Variants in PDE3A observed in about 807,000 individuals in gnomAD.
PDE3A encodes cGMP-inhibited 3',5'-cyclic phosphodiesterase 3A.
PDE3A carries 43 observed loss-of-function variants against 98.3 expected under a neutral mutation model. The observed-to-expected ratio is 0.44, with a 90% CI of 0.34 to 0.56. PDE3A has a LOEUF of 0.56. PDE3A is among the 20% of genes least tolerant of loss of function. The pLI is 0.01. For missense variants in PDE3A, 1,427 were observed against 1,440.7 expected, an observed-to-expected ratio of 0.99 and a Z score of 0.15; for synonymous variants, 663 against 567.9, an observed-to-expected ratio of 1.17 and a Z score of -2.38.
rs113763029 is a variant in PDE3A at position 20,539,096 on chromosome 12, A to G, written c.961-17564A>G. On this transcript the variant is annotated intron_variant, in intron 1 of 15. Transcript: ENST00000359062. ...TGAAACTTACTTTCTAAAATGGAAG[A>G]TAGACAAAAGCAAGTACCGGTTGAG... Among the ~76,000 whole-genome samples, 1,153 of 152,290 alleles carry G rather than the reference A, an allele frequency of 7.6e-3. 23 individuals carry two copies. The highest frequency in any genetic ancestry group is 0.027 in the African/African-American group (1,114 of 41,572).
intron 10 of PDE3A, among the ~76,000 whole-genome samples, chr12:20,641,890 A>C (rs1381632922): frequency 6.6e-6 from 1 of 152,098 alleles, no homozygotes; most frequent in Non-Finnish European, 1.5e-5. Context: ...AAGGGAATTT[A>C]TTTACATCTT....
intron 1 of PDE3A, among the ~76,000 whole-genome samples, chr12:20,383,964 T>A (rs547561617): frequency 1.3e-5 from 2 of 152,070 alleles, no homozygotes; most frequent in East Asian, 3.9e-4. Context: ...ATTGTTGCAA[T>A]AATCCAGAGA....
At chr12:20,485,365 C>T (rs4762965) in intron 1 of PDE3A, among the ~76,000 whole-genome samples, 3 of 151,968 alleles carry the variant, frequency 2.0e-5, no homozygotes, top group Non-Finnish European at 4.4e-5. Context: ...ATGACTCCAA[C>T]TTGATCATCA....
intron 2 of PDE3A, among the ~76,000 whole-genome samples, chr12:20,592,749 G>A (rs1289827419): frequency 1.3e-5 from 2 of 152,148 alleles, no homozygotes; most frequent in African/African-American, 2.4e-5. Flanking sequence ...ATTGCAGGCA[G>A]TTGCCTTAAG....
At chr12:20,575,072 T>G (rs1942898577) in intron 2 of PDE3A, among the ~76,000 whole-genome samples, 1 of 152,062 alleles carries the variant, frequency 6.6e-6, no homozygotes, top group Non-Finnish European at 1.5e-5. Context: ...TTATTTGTCT[T>G]AAGTTGGAAT....
chr12:20,606,598 C>G (rs1186992068), intron 2 of PDE3A, among the ~76,000 whole-genome samples: 1 of 151,962 alleles, frequency 6.6e-6, no homozygotes, highest in African/African-American at 2.4e-5. Flanking sequence ...GTGGCTCACG[C>G]TTATAATCCC....
At chr12:20,393,133 G>GTTCCTTTA (rs1169309396) in intron 1 of PDE3A, among the ~76,000 whole-genome samples, 1 of 151,926 alleles carries the variant, frequency 6.6e-6, no homozygotes, top group African/African-American at 2.4e-5. Context: ...GAATTGTAAT[G>GTTCCTTTA]TTCCTTTATT....
At chr12:20,398,602 T>G (rs1944063460) in intron 1 of PDE3A, among the ~76,000 whole-genome samples, 1 of 152,078 alleles carries the variant, frequency 6.6e-6, no homozygotes, top group Non-Finnish European at 1.5e-5. Context: ...AGAGCTTTAC[T>G]CTAGTGGCCT....
chr12:20,472,357 T>A (rs1190987850), intron 1 of PDE3A, among the ~76,000 whole-genome samples: 9 of 152,172 alleles, frequency 5.9e-5, no homozygotes, highest in Non-Finnish European at 1.2e-4. Flanking sequence ...TCCTGGCAGT[T>A]AATTTTATGG....
chr12:20,480,310 G>C (rs941308466), intron 1 of PDE3A, among the ~76,000 whole-genome samples: 1 of 152,052 alleles, frequency 6.6e-6, no homozygotes, highest in Non-Finnish European at 1.5e-5. Context: ...ACATCATCCA[G>C]GTTATATATT....
At chr12:20,508,988 G>A (rs919297202) in intron 1 of PDE3A, among the ~76,000 whole-genome samples, 68 of 152,034 alleles carry the variant, frequency 4.5e-4, no homozygotes, top group Non-Finnish European at 8.1e-4. Context: ...GTTGATGCAT[G>A]TATTTTTCGT....
intron 1 of PDE3A, among the ~76,000 whole-genome samples, chr12:20,391,496 A>G (rs1027284815): frequency 6.6e-6 from 1 of 151,086 alleles, no homozygotes; most frequent in African/African-American, 2.4e-5. Context: ...CTTTGCTCAC[A>G]TAGTTAAGTT....
chr12:20,585,933 A>C (rs1019100667), intron 2 of PDE3A, among the ~76,000 whole-genome samples: 48 of 152,298 alleles, frequency 3.2e-4, no homozygotes, highest in African/African-American at 1.1e-3. Flanking sequence ...AAGGTGAATG[A>C]TACTGTTTGA....
At chr12:20,461,723 C>T in intron 1 of PDE3A, among the ~76,000 whole-genome samples, 1 of 152,074 alleles carries the variant, frequency 6.6e-6, no homozygotes. Flanking sequence ...TTCTTAAAAG[C>T]CGTGATTCCT....
intron 1 of PDE3A, among the ~76,000 whole-genome samples, chr12:20,504,581 G>A (rs1003594192): frequency 6.6e-6 from 1 of 152,014 alleles, no homozygotes; most frequent in East Asian, 1.9e-4. Flanking sequence ...TAAAATCAAG[G>A]TGCTGGCAAG....
At chr12:20,373,663 G>C (rs182865823) in intron 1 of PDE3A, among the ~76,000 whole-genome samples, 1 of 151,950 alleles carries the variant, frequency 6.6e-6, no homozygotes, top group African/African-American at 2.4e-5. Context: ...TGTGGTTTCA[G>C]GTAAATACAA....
chr12:20,615,570 A>G (rs991378561), intron 3 of PDE3A, among the ~76,000 whole-genome samples: 2 of 152,176 alleles, frequency 1.3e-5, no homozygotes, highest in African/African-American at 4.8e-5. Context: ...CTTTTGAGGA[A>G]GAACTTCTCA....
chr12:20,506,163 C>G (rs1019300352), intron 1 of PDE3A, among the ~76,000 whole-genome samples: 10 of 151,010 alleles, frequency 6.6e-5, no homozygotes, highest in Non-Finnish European at 1.3e-4. Flanking sequence ...AATGAGTTCT[C>G]CAAAAATTTA....
At chr12:20,665,388 G>A (rs1945283465) in intron 15 of PDE3A, among the ~76,000 whole-genome samples, 1 of 152,008 alleles carries the variant, frequency 6.6e-6, no homozygotes, top group Non-Finnish European at 1.5e-5. Context: ...TCAATTAAAG[G>A]ATGTAATTCT....
Sources: allele counts gnomAD v4.1 joint callset (sites outside exome capture counted in the v4.1 genomes callset), GRCh38; gene constraint gnomAD v4.1.1; transcripts MANE v1.5; gene names NCBI Gene and HGNC (gene_info 2026-07-23, HGNC 2026-07-21).